Variants in LRMDA observed in about 807,000 individuals in gnomAD.
LRMDA encodes leucine rich melanocyte differentiation associated.
Under a neutral mutation model 29.8 loss-of-function variants are expected in LRMDA, and 18 were observed. The observed-to-expected ratio is 0.60, with a 90% CI of 0.42 to 0.90. The LOEUF (loss-of-function observed/expected upper bound fraction) is 0.90, where lower values mean the gene tolerates loss of function less well. Among genes scored for constraint, LRMDA ranks in the 40% least tolerant of loss-of-function variants. LRMDA has a pLI of 0.00. For missense variants in LRMDA, 273 were observed against 273.9 expected, an observed-to-expected ratio of 1.00 and a Z score of 0.02; for synonymous variants, 125 against 109.4, an observed-to-expected ratio of 1.14 and a Z score of -0.89.
At chr10:76,521,488 A>G (rs906307396) in intron 6 of LRMDA, among the ~76,000 whole-genome samples, 16 of 152,196 alleles carry the variant, frequency 1.1e-4, no homozygotes, top group Non-Finnish European at 2.2e-4. Flanking sequence ...ATACATAATT[A>G]TTTAAATAAT....
intron 5 of LRMDA, among the ~76,000 whole-genome samples, chr10:76,303,621 A>G (rs1840510629): frequency 6.6e-6 from 1 of 152,070 alleles, no homozygotes; most frequent in African/African-American, 2.4e-5. Context: ...TTGTCAATCT[A>G]AGCTAATAAA....
At chr10:75,765,779 G>A (rs1330516843) in intron 2 of LRMDA, among the ~76,000 whole-genome samples, 5 of 84,480 alleles carry the variant, frequency 5.9e-5, no homozygotes, top group Non-Finnish European at 1.0e-4. Context: ...CCCCACCCCC[G>A]TCCCACTTCC....
rs1349562953 is a variant in LRMDA at position 75,891,675 on chromosome 10, T to C, written c.132-144333T>C. Among the ~76,000 whole-genome samples the C allele has an allele frequency of 3.3e-5, 5 of 152,312 alleles. No individual in the cohort carries two copies. The East Asian group carries it at 9.6e-4, about 29-fold the overall frequency. The stretch of plus-strand genomic sequence containing the variant: ...GATTTTAGACTCCTACTGATCACTC[T>C]GGTTGGTGGATCAGAGTGTGATTGC... On this transcript the variant is annotated intron_variant, in intron 2 of 6. Coordinates refer to ENST00000611255, the MANE Select transcript of LRMDA (RefSeq NM_001305581.2).
At chr10:75,797,157 G>A (rs1446483903) in intron 2 of LRMDA, among the ~76,000 whole-genome samples, 2 of 152,018 alleles carry the variant, frequency 1.3e-5, no homozygotes, top group Non-Finnish European at 2.9e-5. Context: ...TAAATATAGG[G>A]TGACTGAAAT....
At chr10:75,782,742 C>T in intron 2 of LRMDA, 1 of 1,352,574 alleles carries the variant, frequency 7.4e-7, no homozygotes, top group Non-Finnish European at 9.5e-7. Flanking sequence ...AAACTGCAAG[C>T]AGATGCCCTT....
At chr10:76,375,363 A>G (rs780104607) in intron 6 of LRMDA, among the ~76,000 whole-genome samples, 1 of 152,104 alleles carries the variant, frequency 6.6e-6, no homozygotes, top group Non-Finnish European at 1.5e-5. Context: ...GGTTAGGCCA[A>G]TCTTTCTCAG....
At chr10:75,660,417 G>A (rs1029278750) in intron 2 of LRMDA, among the ~76,000 whole-genome samples, 2 of 152,152 alleles carry the variant, frequency 1.3e-5, no homozygotes, top group Admixed American at 6.5e-5. Flanking sequence ...CCTGCCGGAC[G>A]GCTCTGACAC....
At chr10:75,778,388 A>AT (rs1282596277) in intron 2 of LRMDA, among the ~76,000 whole-genome samples, 7 of 151,994 alleles carry the variant, frequency 4.6e-5, no homozygotes, top group Non-Finnish European at 1.0e-4. Flanking sequence ...TTGTCCGTCT[A>AT]TTTTTTAAGT....
chr10:76,026,235 G>C (rs1392288678), intron 2 of LRMDA, among the ~76,000 whole-genome samples: 61 of 152,354 alleles, frequency 4.0e-4, no homozygotes, highest in Non-Finnish European at 1.5e-5. Context: ...ACAGTGTTTG[G>C]ATAAAGGATG....
rs1188804472 is a variant in LRMDA, at chr10:76,404,147, A to G, written c.601+79662A>G. On this transcript the variant is annotated intron_variant, in intron 6 of 6. Coordinates refer to ENST00000611255, the MANE Select transcript of LRMDA (RefSeq NM_001305581.2). ...AAGAGGAAGAGAAAATGGAAAACTA[A>G]TGATTCAAGAAATCACATAGCACGA... Among the ~76,000 whole-genome samples the G allele has an allele frequency of 2.6e-5, 4 of 152,220 alleles. No homozygotes were observed. The East Asian group carries it at 5.8e-4, about 22-fold the overall frequency.
At chr10:76,139,560 C>A (rs893990766) in intron 5 of LRMDA, among the ~76,000 whole-genome samples, 13 of 152,126 alleles carry the variant, frequency 8.5e-5, no homozygotes, top group African/African-American at 3.1e-4. Flanking sequence ...CAATATGTTG[C>A]CATCTAACTG....
intron 5 of LRMDA, among the ~76,000 whole-genome samples, chr10:76,194,697 A>G (rs2132225693): frequency 6.6e-6 from 1 of 152,312 alleles, no homozygotes; most frequent in Non-Finnish European, 1.5e-5. Flanking sequence ...CTACCATATC[A>G]ACCTGTCTCT....
intron 2 of LRMDA, among the ~76,000 whole-genome samples, chr10:75,560,982 G>T (rs866581659): frequency 6.6e-6 from 1 of 150,398 alleles, no homozygotes; most frequent in African/African-American, 2.4e-5. Flanking sequence ...CAAGGATATT[G>T]GTCTAAAATT....
intron 2 of LRMDA, among the ~76,000 whole-genome samples, chr10:75,545,491 G>A (rs375632159): frequency 2.0e-5 from 3 of 152,172 alleles, no homozygotes; most frequent in South Asian, 4.1e-4. Flanking sequence ...CATGTGACAA[G>A]TGACAGTACT....
At chr10:76,001,306 C>T (rs992629486) in intron 2 of LRMDA, among the ~76,000 whole-genome samples, 2 of 152,274 alleles carry the variant, frequency 1.3e-5, no homozygotes, top group African/African-American at 4.8e-5. Context: ...GGCTGGATTT[C>T]CCACTAGCAA....
At chr10:75,655,771 C>T (rs1216136775) in intron 2 of LRMDA, among the ~76,000 whole-genome samples, 1 of 152,160 alleles carries the variant, frequency 6.6e-6, no homozygotes, top group Non-Finnish European at 1.5e-5. Flanking sequence ...GTTTGGGCCT[C>T]GCGGTGTCTC....
intron 2 of LRMDA, among the ~76,000 whole-genome samples, chr10:75,948,990 A>G (rs939394327): frequency 6.6e-6 from 1 of 151,858 alleles, no homozygotes; most frequent in Non-Finnish European, 1.5e-5. Context: ...CATACACTTC[A>G]ATTCTAAGCT....
At chr10:75,759,005 C>T (rs538218977) in intron 2 of LRMDA, among the ~76,000 whole-genome samples, 178 of 151,734 alleles carry the variant, frequency 1.2e-3, no homozygotes, top group African/African-American at 2.5e-3. Flanking sequence ...GGTACATTTA[C>T]ACCTATGGGT....
chr10:76,505,306 T>C (rs994901452), intron 6 of LRMDA, among the ~76,000 whole-genome samples: 2 of 152,006 alleles, frequency 1.3e-5, no homozygotes, highest in African/African-American at 4.8e-5. Context: ...TCTTGTATAG[T>C]ATTTTGCAGG....
Sources: gnomAD v4.1 joint callset for allele counts (sites outside exome capture counted in the v4.1 genomes callset) on GRCh38, gnomAD v4.1.1 for gene constraint, MANE v1.5 for transcripts, NCBI Gene and HGNC (gene_info 2026-07-23, HGNC 2026-07-21) for gene names.